B3GALT1: variants seen among roughly 807,000 people sequenced by gnomAD.
B3GALT1 encodes beta-1,3-galactosyltransferase 1, also known as UDP-Gal:betaGlcNAc beta 1,3-galactosyltransferase, polypeptide 1.
Under a neutral mutation model 23.2 loss-of-function variants are expected in B3GALT1, and 10 were observed. The observed-to-expected ratio is 0.43, with a 90% confidence interval of 0.27 to 0.73. The LOEUF (loss-of-function observed/expected upper bound fraction) is 0.73, where lower values mean the gene tolerates loss of function less well. Among genes scored for constraint, B3GALT1 ranks in the 30% least tolerant of loss-of-function variants. B3GALT1 has a pLI of 0.21. For missense variants in B3GALT1, 299 were observed against 405.4 expected (o/e 0.74, Z 2.25); for synonymous variants, 156 against 141.5 (o/e 1.10, Z -0.73).
At chr2:167,585,552 T>A (rs1026884533) in intron 2 of B3GALT1, among the ~76,000 whole-genome samples, 2 of 152,190 alleles carry the variant, frequency 1.3e-5, no homozygotes, top group Non-Finnish European at 2.9e-5. Flanking sequence ...ATGACAAATC[T>A]AAGGATTTAG....
intron 1 of B3GALT1, among the ~76,000 whole-genome samples, chr2:167,318,881 G>C (rs1304630882): frequency 6.6e-6 from 1 of 152,108 alleles, no homozygotes; most frequent in East Asian, 1.9e-4. Flanking sequence ...CTGTGTACAG[G>C]ATAGTAGGAT....
chr2:167,326,784 G>A (rs980594499), intron 1 of B3GALT1, among the ~76,000 whole-genome samples: 4 of 152,096 alleles, frequency 2.6e-5, no homozygotes, highest in African/African-American at 9.6e-5. Flanking sequence ...CCGCCTCCCG[G>A]GTTCAAGCAA....
At chr2:167,835,348 C>T (rs912460495) in intron 4 of B3GALT1, among the ~76,000 whole-genome samples, 4 of 152,198 alleles carry the variant, frequency 2.6e-5, no homozygotes, top group African/African-American at 4.8e-5. Flanking sequence ...GCTTTTCCGA[C>T]GGGCTTAAAA....
intron 1 of B3GALT1, among the ~76,000 whole-genome samples, chr2:167,400,932 G>A (rs1698179135): frequency 6.6e-6 from 1 of 152,112 alleles, no homozygotes; most frequent in Non-Finnish European, 1.5e-5. Flanking sequence ...CAGTCCAATA[G>A]CGGGAACTTC....
intron 3 of B3GALT1, among the ~76,000 whole-genome samples, chr2:167,678,253 A>AGTTTCCACTGTACTGG (rs1347878765): frequency 1.1e-4 from 16 of 152,228 alleles, no homozygotes; most frequent in Admixed American, 1.0e-3. Context: ...GTTGATAGAT[A>AGTTTCCACTGTACTGG]GTTTCCACTG....
chr2:167,430,423 A>G (rs1698689709), intron 1 of B3GALT1, among the ~76,000 whole-genome samples: 1 of 152,188 alleles, frequency 6.6e-6, no homozygotes, highest in South Asian at 2.1e-4. Flanking sequence ...CTGACTTGTA[A>G]TGACATACGT....
intron 3 of B3GALT1, among the ~76,000 whole-genome samples, chr2:167,754,078 G>A (rs193231934): frequency 6.6e-6 from 1 of 152,228 alleles, no homozygotes; most frequent in East Asian, 1.9e-4. Context: ...TTCCCTTATT[G>A]ATCTTCTATG....
intron 3 of B3GALT1, among the ~76,000 whole-genome samples, chr2:167,733,856 G>A (rs1687450628): frequency 6.6e-6 from 1 of 152,146 alleles, no homozygotes; most frequent in South Asian, 2.1e-4. Flanking sequence ...ATGTTGTGTG[G>A]CAACTGACAG....
chr2:167,747,461 C>T (rs762517805), intron 3 of B3GALT1, among the ~76,000 whole-genome samples: 7 of 152,162 alleles, frequency 4.6e-5, no homozygotes, highest in Non-Finnish European at 1.0e-4. Context: ...TAGACAGATA[C>T]AGCTTGAAAG....
At chr2:167,768,117 C>T (rs1688008460) in intron 3 of B3GALT1, among the ~76,000 whole-genome samples, 1 of 152,196 alleles carries the variant, frequency 6.6e-6, no homozygotes, top group East Asian at 1.9e-4. Context: ...TTTACTCAGT[C>T]CACCAATTCC....
chr2:167,304,308 G>A (rs1307535505), intron 1 of B3GALT1, among the ~76,000 whole-genome samples: 1 of 152,128 alleles, frequency 6.6e-6, no homozygotes, highest in East Asian at 1.9e-4. Context: ...ATATCCCTTA[G>A]TTTTCAAAAA....
chr2:167,639,554 A>G (rs1344416791), intron 2 of B3GALT1, among the ~76,000 whole-genome samples: 1 of 152,042 alleles, frequency 6.6e-6, no homozygotes, highest in African/African-American at 2.4e-5. Context: ...GAAATTCTAT[A>G]TACCTTAATT....
chr2:167,361,559 C>A (rs557295398), intron 1 of B3GALT1, among the ~76,000 whole-genome samples: 3 of 152,124 alleles, frequency 2.0e-5, no homozygotes, highest in Non-Finnish European at 4.4e-5. Flanking sequence ...TCCATATGCA[C>A]AGCAGATTGT....
intron 1 of B3GALT1, among the ~76,000 whole-genome samples, chr2:167,422,469 G>T (rs1336471635): frequency 1.3e-5 from 2 of 152,198 alleles, no homozygotes; most frequent in East Asian, 3.9e-4. Flanking sequence ...TGACTTGCAA[G>T]TTGCTGAAGC....
intron 1 of B3GALT1, among the ~76,000 whole-genome samples, chr2:167,399,484 C>T (rs902568138): frequency 3.3e-5 from 5 of 152,050 alleles, no homozygotes; most frequent in East Asian, 1.9e-4. Flanking sequence ...CACTCATTCT[C>T]TCTTCATTCT....
intron 3 of B3GALT1, among the ~76,000 whole-genome samples, chr2:167,680,451 C>T (rs903195322): frequency 1.3e-5 from 2 of 152,062 alleles, no homozygotes; most frequent in Non-Finnish European, 2.9e-5. Flanking sequence ...CACAAGTATA[C>T]ATCAAAATCT....
chr2:167,863,990 A>ATGTGTGTGTGTGTG (rs34276280), intron 4 of B3GALT1, among the ~76,000 whole-genome samples: 17 of 143,728 alleles, frequency 1.2e-4, no homozygotes, highest in African/African-American at 3.6e-4. Flanking sequence ...GCATGTATGT[A>ATGTGTGTGTGTGTG]TGTGTGTGTG....
chr2:167,564,669 C>G (rs1012505852), intron 2 of B3GALT1, among the ~76,000 whole-genome samples: 2 of 152,152 alleles, frequency 1.3e-5, no homozygotes. Context: ...GAGACCAGCC[C>G]GGCCAACACA....
At chr2:167,733,882 G>A (rs573852949) in intron 3 of B3GALT1, among the ~76,000 whole-genome samples, 1 of 152,192 alleles carries the variant, frequency 6.6e-6, no homozygotes, top group East Asian at 1.9e-4. Flanking sequence ...ATGACACACT[G>A]TCCTCCTCCA....
Sources: gnomAD v4.1 joint callset for allele counts (sites outside exome capture counted in the v4.1 genomes callset) on GRCh38, gnomAD v4.1.1 for gene constraint, MANE v1.5 for transcripts, NCBI Gene and HGNC (gene_info 2026-07-23, HGNC 2026-07-21) for gene names.